RARB: variants seen among roughly 807,000 people sequenced by gnomAD.
RARB encodes the protein retinoic acid receptor beta.
In RARB, 17 loss-of-function variants were observed where a neutral mutation model predicts 51.9. That is an observed-to-expected ratio of 0.33 (90% confidence interval 0.22 to 0.49). The LOEUF (loss-of-function observed/expected upper bound fraction) is 0.49. Ranked by LOEUF, RARB falls within the 20% of genes least tolerant of loss-of-function variation. RARB has a pLI of 0.99. For missense variants in RARB, 369 were observed against 550.8 expected (o/e 0.67, Z 3.30); for synonymous variants, 215 against 195.4 (o/e 1.10, Z -0.84).
chr3:25,259,409 C>T (rs1702943797), intron 5 of RARB, among the ~76,000 whole-genome samples: 1 of 152,116 alleles, frequency 6.6e-6, no homozygotes, highest in Non-Finnish European at 1.5e-5. Context: ...TATTGGGTCT[C>T]ATGTATCACT....
intron 1 of RARB, among the ~76,000 whole-genome samples, chr3:24,851,738 G>A (rs1702562952): frequency 6.6e-6 from 1 of 152,148 alleles, no homozygotes; most frequent in South Asian, 2.1e-4. Flanking sequence ...TGTTTCATTT[G>A]AGCTTTGATT....
intron 5 of RARB, among the ~76,000 whole-genome samples, chr3:25,397,587 T>C (rs1195436836): frequency 2.0e-5 from 3 of 152,192 alleles, no homozygotes; most frequent in Non-Finnish European, 2.9e-5. Flanking sequence ...TCGATAATAA[T>C]TTTATATTAG....
chr3:25,388,920 T>G (rs1300179457), intron 5 of RARB, among the ~76,000 whole-genome samples: 3 of 152,158 alleles, frequency 2.0e-5, no homozygotes, highest in Non-Finnish European at 4.4e-5. Context: ...GGAGAGAGAT[T>G]TATGATTTAG....
At chr3:25,466,535 G>A (rs912703385) in intron 2 of RARB, among the ~76,000 whole-genome samples, 1 of 152,166 alleles carries the variant, frequency 6.6e-6, no homozygotes, top group Non-Finnish European at 1.5e-5. Context: ...AATGACTTTT[G>A]CACACAGTGA....
intron 5 of RARB, among the ~76,000 whole-genome samples, chr3:25,192,227 A>G (rs1168909161): frequency 2.6e-5 from 4 of 152,160 alleles, no homozygotes; most frequent in African/African-American, 4.8e-5. Flanking sequence ...TAAATAATTT[A>G]TACATAAGAC....
intron 5 of RARB, among the ~76,000 whole-genome samples, chr3:25,276,122 G>T (rs191551705): frequency 1.3e-5 from 2 of 152,210 alleles, no homozygotes. Flanking sequence ...ATTAAATGAG[G>T]CAATTCATGT....
intron 5 of RARB, among the ~76,000 whole-genome samples, chr3:25,205,745 C>T: frequency 6.7e-6 from 1 of 149,120 alleles, no homozygotes; most frequent in Non-Finnish European, 1.5e-5. Context: ...ATATTAAAAA[C>T]CTTTTTTTTT....
At chr3:24,867,041 G>A (rs1393960824) in intron 2 of RARB, among the ~76,000 whole-genome samples, 1 of 152,088 alleles carries the variant, frequency 6.6e-6, no homozygotes, top group Admixed American at 6.6e-5. Flanking sequence ...CAAAAAACGT[G>A]AAAAGGCATC....
chr3:25,198,461 A>G (rs546445017), intron 5 of RARB, among the ~76,000 whole-genome samples: 1 of 152,270 alleles, frequency 6.6e-6, no homozygotes, highest in South Asian at 2.1e-4. Context: ...AGAAGAGGAA[A>G]CAATCAACAA....
intron 5 of RARB, among the ~76,000 whole-genome samples, chr3:25,237,276 C>T (rs1400812560): frequency 6.6e-6 from 1 of 152,092 alleles, no homozygotes; most frequent in East Asian, 1.9e-4. Context: ...ATTTATTAGA[C>T]AACCCCAAAG....
In RARB at chr3:24,853,380, A is replaced by T. The variant is rs539453391; in HGVS notation, c.-458-5294A>T. Among the ~76,000 whole-genome samples the T allele has an allele frequency of 2.6e-3, 390 of 152,302 alleles. 1 individual carries two copies. Among genetic ancestry groups the T allele is most frequent in the African/African-American group, 9.2e-3 (384 of 41,564 alleles). On this transcript the variant is annotated intron_variant, in intron 1 of 11. Transcript: ENST00000383772. ...ATAGATTTTGATTATTTCTATGTCA[A>T]TTCTCACTGTTGTAAAATAAAGACA...
At chr3:25,057,876 A>T (rs919983314) in intron 2 of RARB, among the ~76,000 whole-genome samples, 2 of 152,002 alleles carry the variant, frequency 1.3e-5, no homozygotes, top group African/African-American at 4.8e-5. Context: ...GCTCTTACAG[A>T]AATTGAATTA....
At chr3:25,295,532 C>A (rs797004990) in intron 5 of RARB, among the ~76,000 whole-genome samples, 5 of 152,276 alleles carry the variant, frequency 3.3e-5, no homozygotes, top group African/African-American at 1.2e-4. Flanking sequence ...TTTGTTATAG[C>A]AACCTGGACA....
chr3:24,858,698 A>G (rs1014248482), exon 2 of RARB: 15 of 152,210 alleles, frequency 9.9e-5, no homozygotes, highest in African/African-American at 3.6e-4. Flanking sequence ...TCATAAAAAG[A>G]CAGTCACCAG....
intron 2 of RARB, among the ~76,000 whole-genome samples, chr3:24,873,898 C>T (rs961531655): frequency 2.0e-5 from 3 of 151,862 alleles, no homozygotes; most frequent in Non-Finnish European, 4.4e-5. Context: ...CCTTTGTACC[C>T]ATAGGTTTTG....
intron 7 of RARB, among the ~76,000 whole-genome samples, chr3:25,596,165 T>C (rs1010643761): frequency 2.6e-5 from 4 of 152,206 alleles, no homozygotes; most frequent in Admixed American, 1.3e-4. Context: ...TAACTAACTT[T>C]GCAATAAACT....
chr3:24,829,707 C>T (rs1227349082), intron 1 of RARB, among the ~76,000 whole-genome samples: 1 of 152,208 alleles, frequency 6.6e-6, no homozygotes, highest in African/African-American at 2.4e-5. Flanking sequence ...ACAGTCTCCC[C>T]GGACTCCAGC....
intron 5 of RARB, among the ~76,000 whole-genome samples, chr3:25,185,733 G>C (rs1468307064): frequency 6.6e-6 from 1 of 152,048 alleles, no homozygotes; most frequent in African/African-American, 2.4e-5. Context: ...ATTGACTTCT[G>C]TCCTGACTTT....
chr3:25,232,778 A>G (rs1170759682), intron 5 of RARB, among the ~76,000 whole-genome samples: 2 of 152,040 alleles, frequency 1.3e-5, no homozygotes, highest in East Asian at 3.9e-4. Context: ...CTATACAATC[A>G]TTCTGTTTTT....
Sources: gnomAD v4.1 joint callset for allele counts (sites outside exome capture counted in the v4.1 genomes callset) on GRCh38, gnomAD v4.1.1 for gene constraint, MANE v1.5 for transcripts, NCBI Gene and HGNC (gene_info 2026-07-23, HGNC 2026-07-21) for gene names.